The following COL19A1 variants were observed in gnomAD, a reference collection of about 807,000 sequenced individuals.
COL19A1 encodes collagen type XIX alpha 1 chain.
In COL19A1, 159 loss-of-function variants were observed where a neutral mutation model predicts 190.2. That is an observed-to-expected ratio of 0.84 (90% CI 0.73 to 0.95). COL19A1 has a LOEUF of 0.95. Among genes scored for constraint, COL19A1 ranks in the 40% least tolerant of loss-of-function variants. The pLI, the probability that COL19A1 is intolerant of heterozygous loss-of-function variation, is 0.00. For missense variants in COL19A1, 1,418 were observed against 1,431.9 expected (o/e 0.99, Z 0.16); for synonymous variants, 509 against 458.9 (o/e 1.11, Z -1.39).
At chr6:70,104,296 G>C (rs1440414867) in intron 16 of COL19A1, among the ~76,000 whole-genome samples, 4 of 152,162 alleles carry the variant, frequency 2.6e-5, no homozygotes, top group African/African-American at 9.7e-5. Context: ...TCCACAGGTT[G>C]TTCAGGAGGC....
At chr6:70,091,171 C>T (rs1782906171) in intron 15 of COL19A1, among the ~76,000 whole-genome samples, 1 of 152,068 alleles carries the variant, frequency 6.6e-6, no homozygotes, top group African/African-American at 2.4e-5. Flanking sequence ...TGGTAATGGT[C>T]AGAGATGATA....
chr6:70,100,300 A>T (rs558135642), intron 15 of COL19A1, among the ~76,000 whole-genome samples: 2 of 152,320 alleles, frequency 1.3e-5, no homozygotes, highest in African/African-American at 4.8e-5. Flanking sequence ...ATTAGTCCTC[A>T]GAGGCGAATT....
At chr6:70,067,116 TGCAA>T (rs1426733270) in intron 14 of COL19A1, among the ~76,000 whole-genome samples, 3 of 152,130 alleles carry the variant, frequency 2.0e-5, no homozygotes, top group African/African-American at 7.2e-5. Flanking sequence ...AGAGAAAAAG[TGCAA>T]GGCACTAGGA....
At chr6:69,976,763 C>T (rs1476386488) in intron 11 of COL19A1, among the ~76,000 whole-genome samples, 1 of 152,074 alleles carries the variant, frequency 6.6e-6, no homozygotes, top group African/African-American at 2.4e-5. Flanking sequence ...GAGAAAAAAA[C>T]AAAAGGACTT....
intron 7 of COL19A1, among the ~76,000 whole-genome samples, chr6:69,934,989 CAT>C (rs932345844): frequency 6.6e-6 from 1 of 151,884 alleles, no homozygotes; most frequent in African/African-American, 2.4e-5. Flanking sequence ...TCAAATCACA[CAT>C]GTTTTCTGGT....
intron 36 of COL19A1, among the ~76,000 whole-genome samples, chr6:70,164,118 T>C (rs1787984021): frequency 6.6e-6 from 1 of 152,146 alleles, no homozygotes; most frequent in South Asian, 2.1e-4. Flanking sequence ...GTTCTGTCCC[T>C]AGACGGTCAT....
At chr6:70,151,300 G>A (rs1027971047) in intron 30 of COL19A1, 97 bp from the exon 31 acceptor site, 4 of 1,177,384 alleles carry the variant, frequency 3.4e-6, no homozygotes, top group African/African-American at 3.1e-5. Flanking sequence ...AAGCTTCATG[G>A]CATTTTGAGG....
chr6:69,947,582 A>C (rs1399253910), intron 9 of COL19A1, among the ~76,000 whole-genome samples: 1 of 151,806 alleles, frequency 6.6e-6, no homozygotes, highest in Non-Finnish European at 1.5e-5. Flanking sequence ...AAATATGCTT[A>C]GTATAAGTTT....
intron 16 of COL19A1, among the ~76,000 whole-genome samples, chr6:70,111,412 T>C (rs553103041): frequency 6.6e-6 from 1 of 152,336 alleles, no homozygotes; most frequent in East Asian, 1.9e-4. Flanking sequence ...CAGCTATGTC[T>C]GTAATGAATT....
chr6:69,968,539 C>T (rs1416869153), intron 11 of COL19A1, among the ~76,000 whole-genome samples: 1 of 152,114 alleles, frequency 6.6e-6, no homozygotes, highest in Non-Finnish European at 1.5e-5. Flanking sequence ...AAGCAACTTT[C>T]TAAAATATTG....
rs1583124857 is a variant in COL19A1, at chr6:70,188,060, T to C, written c.2857-15T>C. On this transcript the variant is annotated splice_polypyrimidine_tract_variant and intron_variant, in intron 46 of 50. Coordinates refer to ENST00000620364, the MANE Select transcript of COL19A1 (RefSeq NM_001858.6). ...TAGAAGAGATTATTCTTTGTTATTA[T>C]TTTTTCCTTAACAGGGTGATCAGGG... 2.5e-6 allele frequency: 4 copies of C among 1,612,090 alleles called. No individual in the cohort carries two copies. The highest frequency in any genetic ancestry group is 3.4e-6 in the Non-Finnish European group (4 of 1,179,378).
At chr6:70,078,690 C>T in intron 15 of COL19A1, among the ~76,000 whole-genome samples, 1 of 152,180 alleles carries the variant, frequency 6.6e-6, no homozygotes, top group Admixed American at 6.5e-5. Flanking sequence ...AAATAAAACA[C>T]AATCCTTAAC....
At position 69,960,058 on chromosome 6, in the gene COL19A1, GT is replaced by G. The variant is rs1352896319; in HGVS notation, c.981+21del. The G allele has an allele frequency of 1.4e-5, 23 of 1,604,124 alleles. No homozygotes were observed. The highest frequency in any genetic ancestry group is 2.0e-5 in the Non-Finnish European group (23 of 1,175,852). On this transcript the variant is annotated intron_variant, in intron 10 of 50. Transcript: ENST00000620364. ...GTCAAAAGGTAAAGAGTTCTTGAATGTTTCATCTGAGTTAAGAATTTTAACG... is the reference window on the plus strand; with the variant it reads ...GTCAAAAGGTAAAGAGTTCTTGAATGTTCATCTGAGTTAAGAATTTTAACG...
chr6:70,177,834 T>C (rs1765911308), intron 42 of COL19A1, among the ~76,000 whole-genome samples: 1 of 152,238 alleles, frequency 6.6e-6, no homozygotes, highest in Admixed American at 6.5e-5. Context: ...GTTTTTTTCA[T>C]TGTGTTCACC....
At chr6:69,871,718 A>T (rs1160357353) in intron 1 of COL19A1, among the ~76,000 whole-genome samples, 1 of 152,164 alleles carries the variant, frequency 6.6e-6, no homozygotes. Flanking sequence ...CTTAACAGTA[A>T]AAATGTTAAT....
At chr6:70,031,187 G>A (rs561594417) in intron 12 of COL19A1, among the ~76,000 whole-genome samples, 21 of 151,352 alleles carry the variant, frequency 1.4e-4, no homozygotes, top group Non-Finnish European at 2.6e-4. Context: ...AGTGACCTCT[G>A]TGCTTCTTTT....
At chr6:70,149,610 T>C in intron 27 of COL19A1, 94 bp from the exon 28 acceptor site, 1 of 1,508,416 alleles carries the variant, frequency 6.6e-7, no homozygotes, top group South Asian at 1.2e-5. Context: ...GTTGTTCCTC[T>C]AAGTAAACTA....
chr6:69,949,933 C>T (rs531653088), intron 9 of COL19A1, among the ~76,000 whole-genome samples: 1 of 151,884 alleles, frequency 6.6e-6, no homozygotes, highest in East Asian at 1.9e-4. Flanking sequence ...GTCTAATATT[C>T]TCAAAGTGAA....
chr6:70,017,926 A>G (rs960432706), intron 11 of COL19A1, among the ~76,000 whole-genome samples: 25 of 152,126 alleles, frequency 1.6e-4, no homozygotes, highest in Non-Finnish European at 3.4e-4. Flanking sequence ...AGTGGGAGTA[A>G]TGAATGCAAA....
Sources: gnomAD v4.1 joint callset for allele counts (sites outside exome capture counted in the v4.1 genomes callset) on GRCh38, gnomAD v4.1.1 for gene constraint, MANE v1.5 for transcripts, NCBI Gene and HGNC (gene_info 2026-07-23, HGNC 2026-07-21) for gene names.